BAZ2B: variants seen among roughly 807,000 people sequenced by gnomAD.
The protein encoded by BAZ2B is bromodomain adjacent to zinc finger domain 2B, also known as bromodomain adjacent to zinc finger domain protein 2B.
A neutral mutation model predicts 246.0 loss-of-function variants in BAZ2B; 91 were observed. That is an observed-to-expected ratio of 0.37 (90% confidence interval 0.31 to 0.44). BAZ2B has a LOEUF of 0.44. Among genes scored for constraint, BAZ2B ranks in the 20% least tolerant of loss-of-function variants. The probability of loss-of-function intolerance (pLI) is 1.00; values close to 1 mark genes in which losing one functional copy is unlikely to be tolerated. For missense variants in BAZ2B, 2,332 were observed against 2,533.7 expected, an observed-to-expected ratio of 0.92 and a Z score of 1.71; for synonymous variants, 855 against 860.0, an observed-to-expected ratio of 0.99 and a Z score of 0.10.
chr2:159,400,464 T>C (rs537842272), intron 17 of BAZ2B, 135 bp downstream of exon 17: 1 of 583,480 alleles, frequency 1.7e-6, no homozygotes, highest in African/African-American at 1.9e-5. Flanking sequence ...TAAAGTTTTA[T>C]TCTATGCAGA....
intron 1 of BAZ2B, among the ~76,000 whole-genome samples, chr2:159,593,923 G>C (rs1275914995): frequency 6.6e-6 from 1 of 152,160 alleles, no homozygotes; most frequent in Non-Finnish European, 1.5e-5. Flanking sequence ...TCCCTGCTTT[G>C]TTTTAGAAAT....
chr2:159,547,970 C>T (rs975314828), intron 2 of BAZ2B, among the ~76,000 whole-genome samples: 5 of 152,130 alleles, frequency 3.3e-5, no homozygotes, highest in Admixed American at 2.6e-4. Flanking sequence ...ATCATGCATG[C>T]TTTTAGCTCC....
At chr2:159,659,675 G>A in the BAZ2B span, among the ~76,000 whole-genome samples, 7 of 152,260 alleles carry the variant, frequency 4.6e-5, no homozygotes, top group African/African-American at 9.6e-5. Flanking sequence ...GTTCCCTGGC[G>A]TAGGGGTATA....
intron 24 of BAZ2B, 46 bp downstream of exon 24, chr2:159,383,560 G>A: frequency 6.7e-7 from 1 of 1,488,400 alleles, no homozygotes; most frequent in South Asian, 1.2e-5. Context: ...CTGGGAATTT[G>A]TAGAAAAAGA....
Position 159,430,885 on chromosome 2 carries a change from T to A in BAZ2B, c.2172A>T (p.Thr724=). ...TACCAGAGTGTGGGCTTGAAGTAAG[T>A]GTGGAAGAAGATGTACCAAGAAAAG... ...SPAFLGTSSS[T]LTSSPHSGTS... is the part of the protein sequence containing the mutation. The change falls in exon 10 of 37, where the codon ACA becomes ACT. Residue 724 remains threonine, a synonymous_variant. Transcript: ENST00000392783. The A allele has an allele frequency of 6.2e-7, 1 of 1,613,634 alleles. No homozygotes were observed. The highest frequency in any genetic ancestry group is 8.5e-7 in the Non-Finnish European group (1 of 1,179,726).
the BAZ2B span, among the ~76,000 whole-genome samples, chr2:159,624,466 C>T: frequency 6.6e-6 from 1 of 152,160 alleles, no homozygotes; most frequent in Non-Finnish European, 1.5e-5. Flanking sequence ...CTGGCAGGTG[C>T]CCCTCTGGGA....
At chr2:159,689,134 C>A in the BAZ2B span, 1 of 339,432 alleles carries the variant, frequency 2.9e-6, no homozygotes. Flanking sequence ...TATTCTACAT[C>A]AACTTGTCTA....
intron 25 of BAZ2B, among the ~76,000 whole-genome samples, chr2:159,382,261 T>A (rs1006871583): frequency 6.6e-6 from 1 of 152,144 alleles, no homozygotes; most frequent in Non-Finnish European, 1.5e-5. Context: ...TGAAACAAAA[T>A]ACCTGAAATT....
intron 14 of BAZ2B, 55 bp downstream of exon 14, chr2:159,412,280 C>CT (rs2066945440): frequency 6.6e-7 from 1 of 1,512,924 alleles, no homozygotes; most frequent in Non-Finnish European, 9.1e-7. Flanking sequence ...ATTAGAAATA[C>CT]TTTTAGTATA....
chr2:159,387,930 A>C (rs1454924084), intron 21 of BAZ2B, among the ~76,000 whole-genome samples: 1 of 152,068 alleles, frequency 6.6e-6, no homozygotes, highest in African/African-American at 2.4e-5. Flanking sequence ...TTTTATTTAG[A>C]AGCATTTATG....
intron 1 of BAZ2B, among the ~76,000 whole-genome samples, chr2:159,584,246 C>G (rs1039792354): frequency 1.3e-4 from 19 of 151,992 alleles, no homozygotes; most frequent in Non-Finnish European, 1.0e-4. Context: ...CTTAGCCTCC[C>G]GAGTAGCTGG....
At chr2:159,326,196 T>A (rs2063692245) in intron 34 of BAZ2B, among the ~76,000 whole-genome samples, 1 of 152,190 alleles carries the variant, frequency 6.6e-6, no homozygotes, top group African/African-American at 2.4e-5. Context: ...GTGTCTGTAG[T>A]ATTCTTTCAG....
the BAZ2B span, among the ~76,000 whole-genome samples, chr2:159,668,412 C>T: frequency 2.6e-5 from 4 of 152,060 alleles, no homozygotes; most frequent in Admixed American, 2.6e-4. Context: ...GTAATATATT[C>T]CATCTTTCAC....
rs544350565 is a variant in BAZ2B, at chr2:159,616,454, T to G, written c.-258A>C. On this transcript the variant is annotated 5_prime_UTR_variant, in exon 1 of 37. It removes the in-frame stop codon of an upstream open reading frame in the 5' UTR. Coordinates refer to ENST00000392783, the MANE Select transcript of BAZ2B (RefSeq NM_013450.4). ...CGTCTTCCGCCTCTCTCTCTCTGAT[T>G]AGTTCCTATCCAGCAGCAGATTGAA... 6.6e-6 allele frequency: 1 copy of G among 152,380 alleles called. No homozygotes were observed. Among genetic ancestry groups the G allele is most frequent in the African/African-American group, 2.4e-5 (1 of 41,566 alleles). The allele number at this position is 152,380 out of a possible 1,614,324, so 9.4% of individuals were successfully genotyped here. A position where few individuals can be genotyped will look rare whatever the true frequency, so the allele number is the denominator to read the frequency against.
At position 159,603,547 on chromosome 2, in the gene BAZ2B, C is replaced by T. The variant is rs140672764; in HGVS notation, c.-46+12695G>A. Among the ~76,000 whole-genome samples the T allele has an allele frequency of 3.3e-3, 502 of 152,136 alleles. 1 individual carries two copies. Among genetic ancestry groups the T allele is most frequent in the Non-Finnish European group, 5.4e-3 (364 of 67,982 alleles). ...ACATGGATCTGGAACCCATTTCTTC[C>T]CATTTCTTACAGAATCTCTGAATTA... On this transcript the variant is annotated intron_variant, in intron 1 of 36. Coordinates refer to ENST00000392783, the MANE Select transcript of BAZ2B (RefSeq NM_013450.4).
chr2:159,547,782 CTTTTTT>C (rs1425863466), intron 2 of BAZ2B, among the ~76,000 whole-genome samples: 1 of 152,042 alleles, frequency 6.6e-6, no homozygotes, highest in South Asian at 2.1e-4. Flanking sequence ...GTAAAAGTTT[CTTTTTT>C]TAAGACAGAT....
intron 2 of BAZ2B, among the ~76,000 whole-genome samples, chr2:159,549,885 G>A (rs1270999664): frequency 6.8e-6 from 1 of 147,452 alleles, no homozygotes; most frequent in African/African-American, 2.5e-5. Flanking sequence ...GTGCAGTGGT[G>A]CAATCTCAGC....
At chr2:159,637,597 A>G in the BAZ2B span, among the ~76,000 whole-genome samples, 1 of 152,188 alleles carries the variant, frequency 6.6e-6, no homozygotes, top group Admixed American at 6.5e-5. Flanking sequence ...ACCCTCTGTC[A>G]CCTAGGCTGG....
chr2:159,435,208 A>T (rs1036618000), intron 8 of BAZ2B: 1 of 151,568 alleles, frequency 6.6e-6, no homozygotes, highest in African/African-American at 2.4e-5. Flanking sequence ...TATTATTATT[A>T]TTTTTTTGGA....
Sources: gnomAD v4.1 joint callset for allele counts (sites outside exome capture counted in the v4.1 genomes callset) on GRCh38, gnomAD v4.1.1 for gene constraint, MANE v1.5 for transcripts, NCBI Gene and HGNC (gene_info 2026-07-23, HGNC 2026-07-21) for gene names.